Variants in CHRM3 observed in about 807,000 individuals in gnomAD.
CHRM3 encodes the protein muscarinic acetylcholine receptor M3.
CHRM3 carries 11 observed loss-of-function variants against 41.8 expected under a neutral mutation model. That is an observed-to-expected ratio of 0.26 (90% CI 0.17 to 0.44). The LOEUF (loss-of-function observed/expected upper bound fraction) is 0.44, where lower values mean the gene tolerates loss of function less well. Among genes scored for constraint, CHRM3 ranks in the 20% least tolerant of loss-of-function variants. The pLI, the probability that CHRM3 is intolerant of heterozygous loss-of-function variation, is 1.00. For synonymous variants in CHRM3, 297 were observed against 301.4 expected, an observed-to-expected ratio of 0.99 and a Z score of 0.15; for missense variants, 571 against 745.4, an observed-to-expected ratio of 0.77 and a Z score of 2.72.
At chr1:239,595,654 AG>A (rs984546384) in intron 3 of CHRM3, among the ~76,000 whole-genome samples, 1 of 152,186 alleles carries the variant, frequency 6.6e-6, no homozygotes, top group East Asian at 1.9e-4. Flanking sequence ...GACAATATTC[AG>A]TATTCATTCA....
chr1:239,505,614 C>T (rs770895017), intron 2 of CHRM3, among the ~76,000 whole-genome samples: 8 of 152,134 alleles, frequency 5.3e-5, no homozygotes, highest in East Asian at 1.9e-4. Context: ...GGCCCAGTCT[C>T]GGATGTGTCT....
At chr1:239,435,204 C>A (rs1663141182) in intron 1 of CHRM3, among the ~76,000 whole-genome samples, 1 of 77,828 alleles carries the variant, frequency 1.3e-5, no homozygotes, top group Non-Finnish European at 2.9e-5. Flanking sequence ...GTAATCCCAG[C>A]ACTTCGGGAG....
intron 6 of CHRM3, among the ~76,000 whole-genome samples, chr1:239,835,794 G>A (rs973644703): frequency 1.3e-5 from 2 of 152,150 alleles, no homozygotes; most frequent in Non-Finnish European, 2.9e-5. Context: ...TATTTCCATA[G>A]GACACAGTTA....
rs560478356 is a variant in CHRM3 at position 239,489,164 on chromosome 1, A to C, written c.-520-3545A>C. ...CGTGGTGGCTCACGCCTGTAATCCCAGCAGTTTGGGAGGCCAAGGCAGGCA... is the reference window on the plus strand; with the variant it reads ...CGTGGTGGCTCACGCCTGTAATCCCCGCAGTTTGGGAGGCCAAGGCAGGCA... On this transcript the variant is annotated intron_variant, in intron 1 of 6. Transcript: ENST00000676153. 3.3e-5 allele frequency among the ~76,000 whole-genome samples: 5 copies of C among 152,334 alleles called. No homozygotes were observed. The East Asian group carries it at 9.7e-4, about 29-fold the overall frequency.
intron 3 of CHRM3, among the ~76,000 whole-genome samples, chr1:239,607,770 C>A (rs1233724883): frequency 1.3e-5 from 2 of 151,902 alleles, no homozygotes; most frequent in African/African-American, 2.4e-5. Flanking sequence ...ATCTAACATG[C>A]CTTAGATTTA....
chr1:239,422,487 A>G (rs1314677767), intron 1 of CHRM3, among the ~76,000 whole-genome samples: 1 of 152,190 alleles, frequency 6.6e-6, no homozygotes, highest in Non-Finnish European at 1.5e-5. Context: ...TTAAAAGACA[A>G]TCTTATGCAA....
intron 1 of CHRM3, among the ~76,000 whole-genome samples, chr1:239,435,852 G>T (rs1446456505): frequency 6.6e-6 from 1 of 152,032 alleles, no homozygotes; most frequent in South Asian, 2.1e-4. Flanking sequence ...TATCTATAAG[G>T]CAATGTTAGG....
intron 6 of CHRM3, among the ~76,000 whole-genome samples, chr1:239,892,301 T>C (rs1213675853): frequency 6.6e-6 from 1 of 152,240 alleles, no homozygotes; most frequent in Non-Finnish European, 1.5e-5. Flanking sequence ...TTATTATTAT[T>C]TTATTTTGAT....
intron 5 of CHRM3, among the ~76,000 whole-genome samples, chr1:239,774,134 G>A (rs1303969842): frequency 1.3e-5 from 2 of 152,156 alleles, no homozygotes; most frequent in Non-Finnish European, 2.9e-5. Context: ...TAGCATTTAT[G>A]TGTCCCGTGA....
At chr1:239,478,925 G>A (rs1666636907) in intron 1 of CHRM3, among the ~76,000 whole-genome samples, 2 of 152,148 alleles carry the variant, frequency 1.3e-5, no homozygotes, top group South Asian at 2.1e-4. Context: ...GCTCATGAAT[G>A]TAATCCCAAC....
chr1:239,692,940 C>T (rs1037222278), intron 5 of CHRM3, among the ~76,000 whole-genome samples: 4 of 152,150 alleles, frequency 2.6e-5, no homozygotes, highest in East Asian at 3.8e-4. Context: ...TCTGACCTTA[C>T]GTTGATTCTT....
chr1:239,846,621 A>C (rs1674286623), intron 6 of CHRM3, among the ~76,000 whole-genome samples: 3 of 152,196 alleles, frequency 2.0e-5, no homozygotes. Flanking sequence ...GCCAATATAA[A>C]TCAGCGTTTC....
chr1:239,464,153 A>C (rs1477697891), intron 1 of CHRM3, among the ~76,000 whole-genome samples: 1 of 151,800 alleles, frequency 6.6e-6, no homozygotes. Flanking sequence ...GGTGATGCAC[A>C]ACTGTAGTCC....
chr1:239,768,860 G>A (rs1257833512), intron 5 of CHRM3, among the ~76,000 whole-genome samples: 1 of 151,818 alleles, frequency 6.6e-6, no homozygotes, highest in African/African-American at 2.4e-5. Flanking sequence ...CACCTCCTGG[G>A]TTCCAGCAAT....
intron 1 of CHRM3, among the ~76,000 whole-genome samples, chr1:239,490,292 T>C (rs1367478246): frequency 6.6e-6 from 1 of 152,190 alleles, no homozygotes; most frequent in Non-Finnish European, 1.5e-5. Flanking sequence ...TAAGCACTGC[T>C]GAAGAGTGTT....
At chr1:239,706,355 C>T (rs1000530070) in intron 5 of CHRM3, 1 of 152,044 alleles carries the variant, frequency 6.6e-6, no homozygotes, top group Admixed American at 6.6e-5. Flanking sequence ...GATTCCTGAA[C>T]ACAGCAGGGA....
chr1:239,732,926 A>G (rs1408665533), intron 5 of CHRM3, among the ~76,000 whole-genome samples: 6 of 151,988 alleles, frequency 3.9e-5, no homozygotes, highest in Admixed American at 2.6e-4. Context: ...TCTCATTTAG[A>G]TAAGTATATC....
intron 5 of CHRM3, among the ~76,000 whole-genome samples, chr1:239,757,318 C>T (rs376806535): frequency 6.6e-6 from 1 of 152,052 alleles, no homozygotes; most frequent in African/African-American, 2.4e-5. Flanking sequence ...ATCTCCATTC[C>T]GTATATACAA....
At chr1:239,404,420 AAGAAAGAAAGAAAGAAAGAAAG>A (rs1660359487) in intron 1 of CHRM3, among the ~76,000 whole-genome samples, 7 of 93,742 alleles carry the variant, frequency 7.5e-5, no homozygotes, top group South Asian at 3.8e-4. Flanking sequence ...AAAAGAAAGA[AAGAAAGAAAGAAAGAAAGAAAG>A]AAAGAAAGAA....
Sources: allele counts gnomAD v4.1 joint callset (sites outside exome capture counted in the v4.1 genomes callset), GRCh38; gene constraint gnomAD v4.1.1; transcripts MANE v1.5; gene names NCBI Gene and HGNC (gene_info 2026-07-23, HGNC 2026-07-21).